Variants in CELSR1 observed in about 807,000 individuals in gnomAD.
The protein encoded by CELSR1 is adhesion G protein-coupled receptor C1.
CELSR1 carries 110 observed loss-of-function variants against 249.1 expected under a neutral mutation model. The ratio of observed to expected loss-of-function variants is 0.44; its 90% CI spans 0.38 to 0.52. The LOEUF is 0.52. Ranked by LOEUF, CELSR1 falls within the 20% of genes least tolerant of loss-of-function variation. The pLI, the probability that CELSR1 is intolerant of heterozygous loss-of-function variation, is 0.00. For missense variants in CELSR1, 4,109 were observed against 4,296.4 expected, an observed-to-expected ratio of 0.96 and a Z score of 1.22; for synonymous variants, 2,113 against 1,900.0, an observed-to-expected ratio of 1.11 and a Z score of -2.92.
chr22:46,381,947 G>C lies in CELSR1; in HGVS notation c.6987C>G (p.His2329Gln). The C allele has an allele frequency of 1.3e-6, 2 of 1,565,878 alleles. No homozygotes were observed. The highest frequency in any genetic ancestry group is 1.4e-5 in the African/African-American group (1 of 73,830). ...REAPISRRRR[H>Q]PDDAGQFAVA... ...CGGCGAACTGGCCAGCGTCATCAGG[G>C]TGTCGCCTCCGCCTGCTGATCGGGG... Residue 2329 changes from histidine (H) to glutamine (Q), a missense_variant, in exon 21 of 35, where the codon CAC (histidine) becomes CAG (glutamine). Physicochemically the swap from His to Gln is conservative, Grantham distance 24 (BLOSUM62 0). Transcript: ENST00000674500. The surrounding 1 kb of genome is among the most constrained non-coding windows in gnomAD (Gnocchi z 6.0).
rs1397233019 is a variant in CELSR1, at chr22:46,407,303, ACACACACTTGCACGGAGATATGCG to A, written c.5226+1669_5226+1692del. Reference sequence around the variant, plus strand: ...GATGCACATACACAGACTGACATGCACACACACTTGCACGGAGATATGCGCACACACACACACAAACTTGGAGAA... The same window carrying A: ...GATGCACATACACAGACTGACATGCACACACACACACACAAACTTGGAGAA... On this transcript the variant is annotated intron_variant, in intron 9 of 34. Transcript: ENST00000674500. This position sits in a 1 kb window ranked among gnomAD's most constrained non-coding sequence, Gnocchi z 4.8. Among the ~76,000 whole-genome samples the A allele has an allele frequency of 6.6e-6, 1 of 152,194 alleles. No individual in the cohort carries two copies. Among genetic ancestry groups the A allele is most frequent in the Admixed American group, 6.5e-5 (1 of 15,280 alleles).
chr22:46,378,484 A>G, intron 23 of CELSR1, 107 bp downstream of exon 23: 1 of 1,272,024 alleles, frequency 7.9e-7, no homozygotes, highest in Non-Finnish European at 1.1e-6. Context: ...GGGCAGGCTC[A>G]GCAGGTTTGA....
chr22:46,430,569 T>C lies in CELSR1; in HGVS notation c.4611+2824A>G, dbSNP rs917291259. On this transcript the variant is annotated intron_variant, in intron 5 of 34. Coordinates refer to ENST00000674500, the MANE Select transcript of CELSR1 (RefSeq NM_001378328.1). This position sits in a 1 kb window ranked among gnomAD's most constrained non-coding sequence, Gnocchi z 4.6. Reference sequence around the variant, plus strand: ...CCCCAACGCCTCCTCCTCCTGGGGGTCCCCTCCCACCCTGAGCCTGTCGTC... The same window carrying C: ...CCCCAACGCCTCCTCCTCCTGGGGGCCCCCTCCCACCCTGAGCCTGTCGTC... Among the ~76,000 whole-genome samples, 1 of 151,382 alleles carries C rather than the reference T, an allele frequency of 6.6e-6. No individual in the cohort carries two copies. Among genetic ancestry groups the C allele is most frequent in the Non-Finnish European group, 1.5e-5 (1 of 67,876 alleles).
intron 9 of CELSR1, among the ~76,000 whole-genome samples, chr22:46,400,184 G>T (rs1468982901): frequency 2.0e-5 from 3 of 150,774 alleles, no homozygotes; most frequent in African/African-American, 7.3e-5. Context: ...ACAAAAATTA[G>T]CTAGGTGTGG....
At position 46,428,315 on chromosome 22, in the gene CELSR1, G is replaced by A. The variant is rs146334668; in HGVS notation, c.4611+5078C>T. 4.7e-3 allele frequency among the ~76,000 whole-genome samples: 718 copies of A among 152,352 alleles called. 8 individuals carry two copies. The highest frequency in any genetic ancestry group is 0.013 in the African/African-American group (556 of 41,576). On this transcript the variant is annotated intron_variant, in intron 5 of 34. Transcript: ENST00000674500. This position sits in a 1 kb window ranked among gnomAD's most constrained non-coding sequence, Gnocchi z 5.7. ...CAGCTCAGGCATGGGGCTTCATTGC[G>A]TGTGGTCTAGCCACCCGTGGCCAGC...
Position 46,370,728 on chromosome 22 carries a change from C to T in CELSR1, c.7760-924G>A, listed in dbSNP as rs182544497. On this transcript the variant is annotated intron_variant, in intron 25 of 34. Transcript: ENST00000674500. ...AACACCCTCCAGCACTTCCCACTGC[C>T]CTCTGGAGGAGCCAGTTAACCAGGA... is the stretch of plus-strand genomic sequence containing the variant. Among the ~76,000 whole-genome samples the T allele has an allele frequency of 3.4e-4, 52 of 152,336 alleles. No individual in the cohort carries two copies. In the Middle Eastern group the frequency reaches 0.01, roughly 30 times the overall value.
chr22:46,371,870 C>A (rs2078855238), intron 25 of CELSR1, among the ~76,000 whole-genome samples: 1 of 149,042 alleles, frequency 6.7e-6, no homozygotes, highest in South Asian at 2.1e-4. Context: ...TTATCCAATC[C>A]ATCCATCCAT....
chr22:46,365,671 C>G lies in CELSR1; in HGVS notation c.8319G>C (p.Lys2773Asn). 1 of 1,579,014 alleles carries G rather than the reference C, an allele frequency of 6.3e-7. No homozygotes were observed. The change falls in exon 31 of 35, where the codon AAG becomes AAC. Residue 2773 changes from lysine to asparagine, a missense_variant. Transcript: ENST00000674500. ...TCACCAGCCCAGAGGACACGCCGAG[C>G]TTCTGGATCCCTTCATCCCTAGAGA... ...DSIVRDEGIQ[K>N]LGVSSGLVRG...
Position 46,436,117 on chromosome 22 carries a change from A to C in CELSR1, c.4522+57T>G, listed in dbSNP as rs1304315663. The stretch of plus-strand genomic sequence containing the variant: ...GCTGCACAGGGCGAGGGTCGTTTTA[A>C]CCCACAAAGTATCTGTGAATTGCTC... On this transcript the variant is annotated intron_variant, in intron 4 of 34. Transcript: ENST00000674500. The surrounding 1 kb of genome is among the most constrained non-coding windows in gnomAD (Gnocchi z 5.9). 6 of 1,444,960 alleles carry C rather than the reference A, an allele frequency of 4.2e-6. No individual in the cohort carries two copies. The African/African-American group carries it at 8.4e-5, about 20-fold the overall frequency. The allele number at this position is 1,444,960 out of a possible 1,614,324, so 89.5% of individuals were successfully genotyped here.
intron 5 of CELSR1, among the ~76,000 whole-genome samples, chr22:46,432,457 C>G (rs6008824): frequency 0.37 from 55,892 of 152,096 alleles, 15,369 homozygotes; most frequent in African/African-American, 0.78. Flanking sequence ...CGGGGCACAG[C>G]GGGGGTGGCC....
chr22:46,533,667 G>A lies in CELSR1; in HGVS notation c.3504C>T (p.Asn1168=). The part of the protein sequence containing the change: ...GELQLSRDLD[N]NRPLEALMEV... The stretch of plus-strand genomic sequence containing the variant: ...CCATGAGCGCCTCCAGCGGCCGGTT[G>A]TTGTCCAGGTCGCGGCTGAGCTGCA... The change falls in exon 1 of 35, where the codon AAC becomes AAT. Residue 1168 remains asparagine (N), a synonymous_variant. Transcript: ENST00000674500. 6.2e-7 allele frequency: 1 copy of A among 1,603,446 alleles called. No homozygotes were observed. The highest frequency in any genetic ancestry group is 8.5e-7 in the Non-Finnish European group (1 of 1,176,610).
rs145277287 is a variant in CELSR1, at chr22:46,377,211, C to A, written c.7434G>T (p.Leu2478Phe). The change falls in exon 24 of 35, where the codon TTG (leucine) becomes TTT (phenylalanine). Residue 2478 changes from leucine to phenylalanine, a missense_variant. Leu to Phe is a conservative substitution (Grantham distance 22). Coordinates refer to ENST00000674500, the MANE Select transcript of CELSR1 (RefSeq NM_001378328.1). ...LKIVTYAAVSLSLAALLVAFV... is the reference protein window; with the variant it reads ...LKIVTYAAVSFSLAALLVAFV... ...AGGCCACCAGCAGGGCTGCCAGTGA[C>A]AAGGACACAGCGGCATAGGTGACAA... is the stretch of plus-strand genomic sequence containing the variant. 12 of 1,614,020 alleles carry A rather than the reference C, an allele frequency of 7.4e-6. No individual in the cohort carries two copies. The highest frequency in any genetic ancestry group is 1.0e-5 in the Non-Finnish European group (12 of 1,180,030).
At chr22:46,481,834 G>A (rs1162418410) in intron 1 of CELSR1, 8 of 238,170 alleles carry the variant, frequency 3.4e-5, no homozygotes, top group East Asian at 1.1e-4. Flanking sequence ...ATGCAGTGGC[G>A]TGATCTCAGC....
intron 1 of CELSR1, among the ~76,000 whole-genome samples, chr22:46,489,439 G>C (rs1402712861): frequency 6.6e-6 from 1 of 151,384 alleles, no homozygotes; most frequent in Non-Finnish European, 1.5e-5. Context: ...CCCCAAGCTT[G>C]GGGGCCCCAA....
chr22:46,370,763 A>C (rs1275289480), intron 25 of CELSR1, among the ~76,000 whole-genome samples: 1 of 152,204 alleles, frequency 6.6e-6, no homozygotes, highest in Non-Finnish European at 1.5e-5. Context: ...ACCACTGAGG[A>C]CAGTCAGGGA....
intron 2 of CELSR1, among the ~76,000 whole-genome samples, chr22:46,458,871 T>G (rs1485815472): frequency 1.3e-5 from 2 of 152,126 alleles, no homozygotes; most frequent in Admixed American, 1.3e-4. Flanking sequence ...TAGAGAGTAC[T>G]GTTCCCAGTT....
chr22:46,504,520 AC>A (rs67354660), intron 1 of CELSR1, among the ~76,000 whole-genome samples: 37 of 86,210 alleles, frequency 4.3e-4, no homozygotes, highest in Non-Finnish European at 4.9e-4. Flanking sequence ...AAAAAAAAAA[AC>A]AAAAAAAAAC....
At chr22:46,496,724 C>A (rs2080417847) in intron 1 of CELSR1, among the ~76,000 whole-genome samples, 1 of 152,052 alleles carries the variant, frequency 6.6e-6, no homozygotes, top group African/African-American at 2.4e-5. Flanking sequence ...CTGTCTTCCA[C>A]CTCCATATCT....
chr22:46,532,528 A>T (rs1445351048), intron 1 of CELSR1, among the ~76,000 whole-genome samples: 1 of 152,216 alleles, frequency 6.6e-6, no homozygotes, highest in African/African-American at 2.4e-5. Context: ...AAACGAAACA[A>T]ATCAGAAAGT....
Sources: allele counts gnomAD v4.1 joint callset (sites outside exome capture counted in the v4.1 genomes callset), GRCh38; gene constraint gnomAD v4.1.1; non-coding constraint Gnocchi (gnomAD v3.1); transcripts MANE v1.5; gene names NCBI Gene and HGNC (gene_info 2026-07-23, HGNC 2026-07-21).